Variants in FBXL17 observed in about 807,000 individuals in gnomAD.
FBXL17 encodes the protein F-box and leucine rich repeat protein 17, also known as F-box/LRR-repeat protein 17.
FBXL17 carries 22 observed loss-of-function variants against 66.2 expected under a neutral mutation model. The ratio of observed to expected loss-of-function variants is 0.33; its 90% confidence interval spans 0.24 to 0.47. The LOEUF (loss-of-function observed/expected upper bound fraction) is 0.47. Ranked by LOEUF, FBXL17 falls within the 20% of genes least tolerant of loss-of-function variation. FBXL17 has a pLI of 1.00. For synonymous variants in FBXL17, 474 were observed against 400.5 expected (o/e 1.18, Z -2.19); for missense variants, 878 against 948.2 (o/e 0.93, Z 0.97).
intron 6 of FBXL17, among the ~76,000 whole-genome samples, chr5:108,060,452 A>G (rs1747875740): frequency 6.6e-6 from 1 of 152,136 alleles, no homozygotes; most frequent in African/African-American, 2.4e-5. Context: ...GACATATAGC[A>G]CTTTTTGATA....
intron 7 of FBXL17, among the ~76,000 whole-genome samples, chr5:107,890,668 A>G (rs77683169): frequency 8.1e-6 from 1 of 123,128 alleles, no homozygotes; most frequent in Non-Finnish European, 1.8e-5. Flanking sequence ...TGTCTTAGGA[A>G]AAAAAAAAAA....
chr5:108,136,879 T>A (rs893313881), intron 6 of FBXL17, among the ~76,000 whole-genome samples: 3 of 152,176 alleles, frequency 2.0e-5, no homozygotes, highest in South Asian at 2.1e-4. Flanking sequence ...CAGAATATTA[T>A]TGATGTTATT....
intron 4 of FBXL17, among the ~76,000 whole-genome samples, chr5:108,232,390 G>A (rs1755384686): frequency 6.6e-6 from 1 of 152,006 alleles, no homozygotes; most frequent in Non-Finnish European, 1.5e-5. Flanking sequence ...GGTTCAAGTT[G>A]GCAAGGGGTG....
At chr5:108,149,284 A>G (rs1751678198) in intron 6 of FBXL17, among the ~76,000 whole-genome samples, 1 of 152,260 alleles carries the variant, frequency 6.6e-6, no homozygotes, top group East Asian at 1.9e-4. Context: ...TTATGTAAGG[A>G]GAAAAATCTT....
At chr5:108,192,054 T>C (rs1033729726) in intron 5 of FBXL17, among the ~76,000 whole-genome samples, 10 of 152,152 alleles carry the variant, frequency 6.6e-5, no homozygotes, top group Non-Finnish European at 1.2e-4. Context: ...AACTAGCACT[T>C]CTAAGAGATG....
chr5:107,879,962 T>C, intron 8 of FBXL17: 1 of 914,250 alleles, frequency 1.1e-6, no homozygotes, highest in Non-Finnish European at 1.3e-6. Flanking sequence ...GAGCCTCCAT[T>C]TTCTCCCCTT....
intron 6 of FBXL17, among the ~76,000 whole-genome samples, chr5:108,180,719 T>C (rs572208651): frequency 6.6e-6 from 1 of 152,162 alleles, no homozygotes; most frequent in African/African-American, 2.4e-5. Flanking sequence ...CATGGCAATA[T>C]AATTGATATT....
chr5:108,278,710 A>G (rs968896821), intron 4 of FBXL17, among the ~76,000 whole-genome samples: 1 of 152,206 alleles, frequency 6.6e-6, no homozygotes, highest in African/African-American at 2.4e-5. Flanking sequence ...GGCCTTGGCC[A>G]CTAGGTTTGA....
At chr5:107,979,843 C>G (rs1433989183) in intron 7 of FBXL17, among the ~76,000 whole-genome samples, 1 of 152,110 alleles carries the variant, frequency 6.6e-6, no homozygotes, top group Admixed American at 6.5e-5. Flanking sequence ...GGTTTATTTT[C>G]ATGCCTTTAG....
chr5:107,973,890 T>C (rs1752480707), intron 7 of FBXL17, among the ~76,000 whole-genome samples: 1 of 151,674 alleles, frequency 6.6e-6, no homozygotes, highest in African/African-American at 2.4e-5. Flanking sequence ...AGGCTCTAGT[T>C]AGACAAAATC....
rs1036100905 is a variant in FBXL17, at chr5:107,922,189, C to G, written c.1823-41010G>C. 6.6e-5 allele frequency among the ~76,000 whole-genome samples: 10 copies of G among 152,168 alleles called. 1 individual carries two copies. Among genetic ancestry groups the G allele is most frequent in the African/African-American group, 2.2e-4 (9 of 41,438 alleles). ...GCAATGTGTGCTCTAATGCTGTGGG[C>G]ACTAGAGTCACTAATATGTATGAAA... On this transcript the variant is annotated intron_variant, in intron 7 of 8. Coordinates refer to ENST00000542267, the MANE Select transcript of FBXL17 (RefSeq NM_001163315.3).
At chr5:108,370,617 C>T (rs560311429) in intron 1 of FBXL17, among the ~76,000 whole-genome samples, 20 of 152,206 alleles carry the variant, frequency 1.3e-4, no homozygotes, top group Admixed American at 1.3e-3. Flanking sequence ...GTGGCGCATG[C>T]CTGTAGTCCC....
intron 4 of FBXL17, among the ~76,000 whole-genome samples, chr5:108,234,555 A>G (rs1755512338): frequency 8.3e-6 from 1 of 120,464 alleles, no homozygotes; most frequent in African/African-American, 2.8e-5. Context: ...AGCAAATCCA[A>G]GGCCTTCCTT....
Position 108,276,616 on chromosome 5 carries a change from G to GA in FBXL17, c.1507-52389dup, listed in dbSNP as rs1757493978. ...TAGCAGTAAAATTTCTTACTAAGGAGAAAAAAAGACGTCTAACAAACAAGT... is the reference window on the plus strand; with the variant it reads ...TAGCAGTAAAATTTCTTACTAAGGAGAAAAAAAAGACGTCTAACAAACAAGT... On this transcript the variant is annotated intron_variant, in intron 4 of 8. Transcript: ENST00000542267. 2.0e-5 allele frequency among the ~76,000 whole-genome samples: 3 copies of GA among 151,846 alleles called. No individual in the cohort carries two copies. The South Asian group carries it at 6.2e-4, about 31-fold the overall frequency.
intron 6 of FBXL17, among the ~76,000 whole-genome samples, chr5:108,132,130 C>A (rs931862268): frequency 6.6e-6 from 1 of 152,072 alleles, no homozygotes; most frequent in African/African-American, 2.4e-5. Flanking sequence ...GCATGTGCCA[C>A]CACGCCCAGC....
intron 5 of FBXL17, among the ~76,000 whole-genome samples, chr5:108,197,427 C>G (rs558771730): frequency 6.6e-6 from 1 of 152,152 alleles, no homozygotes; most frequent in African/African-American, 2.4e-5. Flanking sequence ...AAAAAAGAGA[C>G]AGTTCACAAA....
chr5:108,335,603 C>T (rs555112401), intron 4 of FBXL17, among the ~76,000 whole-genome samples: 4 of 151,996 alleles, frequency 2.6e-5, no homozygotes, highest in African/African-American at 9.6e-5. Context: ...GGGAAGGTAC[C>T]CATGTCTAAA....
At chr5:108,290,180 T>C (rs1278604485) in intron 4 of FBXL17, among the ~76,000 whole-genome samples, 1 of 152,160 alleles carries the variant, frequency 6.6e-6, no homozygotes, top group Non-Finnish European at 1.5e-5. Flanking sequence ...TAGTGGTACA[T>C]AAATTAATAA....
In FBXL17 at chr5:107,969,729, C is replaced by T. The variant is rs990506884; in HGVS notation, c.1822+51196G>A. 2.6e-5 allele frequency among the ~76,000 whole-genome samples: 4 copies of T among 152,114 alleles called. No individual in the cohort carries two copies. The South Asian group carries it at 8.3e-4, about 32-fold the overall frequency. On this transcript the variant is annotated intron_variant, in intron 7 of 8. Coordinates refer to ENST00000542267, the MANE Select transcript of FBXL17 (RefSeq NM_001163315.3). ...AATTGGCATTTTTCAAGAACTACGG[C>T]TGCAATTTAAACTACTGCTTGATCT... is the stretch of plus-strand genomic sequence containing the variant.
Sources: gnomAD v4.1 joint callset for allele counts (sites outside exome capture counted in the v4.1 genomes callset) on GRCh38, gnomAD v4.1.1 for gene constraint, MANE v1.5 for transcripts, NCBI Gene and HGNC (gene_info 2026-07-23, HGNC 2026-07-21) for gene names.